The following PTPRT variants were observed in gnomAD, a reference collection of about 807,000 sequenced individuals.
PTPRT encodes the protein protein tyrosine phosphatase receptor type T.
In PTPRT, 56 loss-of-function variants were observed where a neutral mutation model predicts 176.8. The ratio of observed to expected loss-of-function variants is 0.32; its 90% CI spans 0.26 to 0.40. The LOEUF is 0.40. PTPRT is among the 10% of genes least tolerant of loss of function. PTPRT has a pLI of 1.00. For missense variants in PTPRT, 1,540 were observed against 1,908.2 expected (o/e 0.81, Z 3.60); for synonymous variants, 783 against 739.0 (o/e 1.06, Z -0.96).
intron 1 of PTPRT, among the ~76,000 whole-genome samples, chr20:43,033,088 G>A (rs142819778): frequency 1.3e-3 from 191 of 152,318 alleles, no homozygotes; most frequent in Non-Finnish European, 2.2e-3. Flanking sequence ...ACCTACAAAT[G>A]TCACAATAGA....
intron 9 of PTPRT, among the ~76,000 whole-genome samples, chr20:42,436,251 T>C (rs1054154145): frequency 2.6e-5 from 4 of 152,288 alleles, no homozygotes; most frequent in African/African-American, 7.2e-5. Context: ...AAATTGGCTA[T>C]AATTAAGGAC....
At chr20:43,168,996 C>T (rs1179725878) in intron 1 of PTPRT, among the ~76,000 whole-genome samples, 5 of 152,204 alleles carry the variant, frequency 3.3e-5, no homozygotes, top group Admixed American at 1.3e-4. Flanking sequence ...AAATGATCCA[C>T]AAACTTCCCT....
chr20:42,321,057 A>G (rs2057792860), intron 11 of PTPRT, among the ~76,000 whole-genome samples: 1 of 152,106 alleles, frequency 6.6e-6, no homozygotes, highest in Non-Finnish European at 1.5e-5. Flanking sequence ...ACCATATGAG[A>G]CTTGTGAAAG....
intron 1 of PTPRT, among the ~76,000 whole-genome samples, chr20:42,957,347 G>A (rs1490133483): frequency 6.6e-6 from 1 of 152,120 alleles, no homozygotes; most frequent in Non-Finnish European, 1.5e-5. Context: ...ATGGAAGGGT[G>A]TTAATTTTTC....
chr20:42,572,474 GCT>G (rs2073173725), intron 7 of PTPRT, among the ~76,000 whole-genome samples: 1 of 151,832 alleles, frequency 6.6e-6, no homozygotes, highest in Admixed American at 6.6e-5. Context: ...CACAGGCCAT[GCT>G]CTCATTTACT....
At chr20:42,520,601 G>T (rs2072153887) in intron 7 of PTPRT, among the ~76,000 whole-genome samples, 1 of 151,842 alleles carries the variant, frequency 6.6e-6, no homozygotes, top group Admixed American at 6.6e-5. Flanking sequence ...TAAAATACAG[G>T]GTCATTGCAT....
At chr20:42,574,539 C>T (rs1369862471) in intron 7 of PTPRT, among the ~76,000 whole-genome samples, 2 of 152,114 alleles carry the variant, frequency 1.3e-5, no homozygotes, top group Non-Finnish European at 2.9e-5. Context: ...AATGTCCCTG[C>T]AAGTTACCAT....
the PTPRT span, among the ~76,000 whole-genome samples, chr20:42,041,018 G>T: frequency 1.3e-5 from 2 of 152,196 alleles, no homozygotes; most frequent in Non-Finnish European, 2.9e-5. Context: ...CAGCCTTTTG[G>T]TGTTGGTTCT....
At chr20:43,057,668 T>C (rs1272732890) in intron 1 of PTPRT, among the ~76,000 whole-genome samples, 3 of 152,244 alleles carry the variant, frequency 2.0e-5, no homozygotes, top group Non-Finnish European at 4.4e-5. Context: ...CAACTTCTTG[T>C]ACATCTGAAA....
rs3086717 is a variant in PTPRT, at chr20:42,121,697, T to TTATA, written c.2848-1730_2848-1727dup. Among the ~76,000 whole-genome samples, 94 of 140,524 alleles carry TTATA rather than the reference T, an allele frequency of 6.7e-4. 1 individual carries two copies. The highest frequency in any genetic ancestry group is 2.0e-3 in the African/African-American group (80 of 39,130). 92.2% of individuals were successfully genotyped at this position (140,524 alleles called of 152,430 possible). A position where few individuals can be genotyped will look rare whatever the true frequency, so the allele number is the denominator to read the frequency against. On this transcript the variant is annotated intron_variant, in intron 19 of 30. Transcript: ENST00000373187. Reference sequence around the variant, plus strand: ...ATGGATGACTGAATAAAGAAATTTTTTATATATATATATATATATAGTATT... The same window carrying TTATA: ...ATGGATGACTGAATAAAGAAATTTTTTATATATATATATATATATATATAGTATT...
rs189590843 is a variant in PTPRT, at chr20:42,440,679, G to A, written c.1560+7541C>T. 6.8e-4 allele frequency among the ~76,000 whole-genome samples: 103 copies of A among 151,980 alleles called. No homozygotes were observed. In the South Asian group the frequency reaches 0.011, roughly 17 times the overall value. ...CTTTTAGTAGAGACGGGGTTTCACC[G>A]TGTTAGCCAGGATGGTCTCGATCTC... On this transcript the variant is annotated intron_variant, in intron 9 of 30. Coordinates refer to ENST00000373187, the MANE Select transcript of PTPRT (RefSeq NM_007050.6).
At chr20:42,794,858 C>G (rs62205412) in intron 2 of PTPRT, among the ~76,000 whole-genome samples, 12,137 of 132,908 alleles carry the variant, frequency 0.091, 570 homozygotes, top group African/African-American at 0.14. Context: ...AGTGTAAGGT[C>G]TTGGGGGTGG....
At chr20:42,435,418 G>A (rs1479367033) in intron 9 of PTPRT, among the ~76,000 whole-genome samples, 1 of 152,188 alleles carries the variant, frequency 6.6e-6, no homozygotes, top group Non-Finnish European at 1.5e-5. Flanking sequence ...TGTAGTAGGA[G>A]AATGAGTTGG....
chr20:42,560,228 C>A (rs762085555), intron 7 of PTPRT, among the ~76,000 whole-genome samples: 42 of 152,120 alleles, frequency 2.8e-4, no homozygotes, highest in Admixed American at 1.8e-3. Context: ...TGGTTTCGAA[C>A]TTCTGGTTAT....
intron 7 of PTPRT, among the ~76,000 whole-genome samples, chr20:42,642,485 G>A (rs757023127): frequency 6.6e-6 from 1 of 152,062 alleles, no homozygotes; most frequent in Non-Finnish European, 1.5e-5. Flanking sequence ...TGACAACAAT[G>A]ATAATAATGT....
At chr20:42,447,245 T>G (rs956788603) in intron 9 of PTPRT, among the ~76,000 whole-genome samples, 1 of 152,132 alleles carries the variant, frequency 6.6e-6, no homozygotes, top group Non-Finnish European at 1.5e-5. Flanking sequence ...CTGGGATGCT[T>G]GTGTCTTTCC....
chr20:42,293,095 T>C (rs1237879507), intron 12 of PTPRT, among the ~76,000 whole-genome samples: 1 of 152,222 alleles, frequency 6.6e-6, no homozygotes, highest in Non-Finnish European at 1.5e-5. Flanking sequence ...TAGGCTCCAC[T>C]TGAGGCAATA....
Position 42,073,674 on chromosome 20 carries a change from A to G in PTPRT, c.*7205T>C, listed in dbSNP as rs914180563. On this transcript the variant is annotated 3_prime_UTR_variant, in exon 31 of 31. Transcript: ENST00000373187. ...TGCTGTTTGGTGATAACCAGCCTGG[A>G]TCAGCCCAGTATATGTGGCCACAAC... 1 of 225,224 alleles carries G rather than the reference A, an allele frequency of 4.4e-6. No homozygotes were observed. 14.0% of individuals were successfully genotyped at this position (225,224 alleles called of 1,614,324 possible). A position where few individuals can be genotyped will look rare whatever the true frequency, so the allele number is the denominator to read the frequency against.
rs752361131 is a variant in PTPRT, at chr20:42,716,342, G to A, written c.860-38183C>T. Reference sequence around the variant, plus strand: ...GAATTGCCATACTGTCTTCCACATGGTTGAACTAGTTTACAGTCCCACCAA... The same window carrying A: ...GAATTGCCATACTGTCTTCCACATGATTGAACTAGTTTACAGTCCCACCAA... On this transcript the variant is annotated intron_variant, in intron 6 of 30. Coordinates refer to ENST00000373187, the MANE Select transcript of PTPRT (RefSeq NM_007050.6). Among the ~76,000 whole-genome samples the A allele has an allele frequency of 4.6e-5, 7 of 152,304 alleles. No individual in the cohort carries two copies. In the South Asian group the frequency reaches 1.5e-3, roughly 32 times the overall value.
Sources: allele counts gnomAD v4.1 joint callset (sites outside exome capture counted in the v4.1 genomes callset), GRCh38; gene constraint gnomAD v4.1.1; transcripts MANE v1.5; gene names NCBI Gene and HGNC (gene_info 2026-07-23, HGNC 2026-07-21).